MTUS2: variants seen among roughly 807,000 people sequenced by gnomAD.
The protein encoded by MTUS2 is microtubule associated scaffold protein 2, also known as microtubule-associated tumor suppressor candidate 2.
A neutral mutation model predicts 114.1 loss-of-function variants in MTUS2; 40 were observed. The ratio of observed to expected loss-of-function variants is 0.35; its 90% CI spans 0.27 to 0.46. MTUS2 has a LOEUF of 0.46. Among genes scored for constraint, MTUS2 ranks in the 20% least tolerant of loss-of-function variants. MTUS2 has a pLI of 1.00. For synonymous variants in MTUS2, 688 were observed against 672.0 expected (o/e 1.02, Z -0.37); for missense variants, 1,679 against 1,705.4 (o/e 0.98, Z 0.27).
intron 2 of MTUS2, among the ~76,000 whole-genome samples, chr13:28,957,693 G>A (rs74652293): frequency 1.3e-5 from 2 of 151,418 alleles, no homozygotes; most frequent in Non-Finnish European, 3.0e-5. Flanking sequence ...GGAGGGGGGG[G>A]TCCTGGGACC....
intron 2 of MTUS2, among the ~76,000 whole-genome samples, chr13:29,016,775 A>T (rs887918035): frequency 2.6e-5 from 4 of 152,226 alleles, no homozygotes; most frequent in African/African-American, 9.6e-5. Flanking sequence ...TGTACATAAG[A>T]TAAAGAGAAC....
chr13:29,067,647 G>T (rs1482688698), intron 4 of MTUS2, among the ~76,000 whole-genome samples: 4 of 152,190 alleles, frequency 2.6e-5, no homozygotes, highest in African/African-American at 7.2e-5. Flanking sequence ...AGAGCCACGG[G>T]TGCTGACTGG....
rs1883095968 is a variant in MTUS2 at position 29,504,341 on chromosome 13, A to T, written c.*1135A>T. 1 of 231,924 alleles carries T rather than the reference A, an allele frequency of 4.3e-6. No homozygotes were observed. The highest frequency in any genetic ancestry group is 8.5e-6 in the Non-Finnish European group (1 of 117,144). The allele number at this position is 231,924 out of a possible 1,614,324, so 14.4% of individuals were successfully genotyped here. A position where few individuals can be genotyped will look rare whatever the true frequency, so the allele number is the denominator to read the frequency against. ...CCCCTTCAGTTTGGTTCTACAACTC[A>T]ACCCCTTCACTGCACATTGAGATGG... is the stretch of plus-strand genomic sequence containing the variant. On this transcript the variant is annotated 3_prime_UTR_variant, in exon 16 of 16. Coordinates refer to ENST00000612955, the MANE Select transcript of MTUS2 (RefSeq NM_001033602.4).
At chr13:29,436,429 G>A (rs1396390916) in intron 8 of MTUS2, among the ~76,000 whole-genome samples, 4 of 152,148 alleles carry the variant, frequency 2.6e-5, no homozygotes, top group East Asian at 1.9e-4. Context: ...TGACATAAAG[G>A]GCTTACCTAA....
intron 5 of MTUS2, among the ~76,000 whole-genome samples, chr13:29,112,173 T>A (rs1055630805): frequency 2.0e-5 from 3 of 152,172 alleles, no homozygotes; most frequent in East Asian, 3.9e-4. Context: ...CTGACATCAT[T>A]GAGGGAGTGC....
At chr13:28,953,185 C>T (rs1156847126) in intron 2 of MTUS2, among the ~76,000 whole-genome samples, 3 of 148,110 alleles carry the variant, frequency 2.0e-5, no homozygotes, top group Non-Finnish European at 4.5e-5. Context: ...TTTTTTTGCA[C>T]ATTTTTCTAC....
rs17561769 is a variant in MTUS2 at position 28,838,925 on chromosome 13, A to C, written c.-315-853A>C. Among the ~76,000 whole-genome samples the C allele has an allele frequency of 8.7e-3, 1,328 of 152,330 alleles. 4 individuals are homozygous for C. Among genetic ancestry groups the C allele is most frequent in the Non-Finnish European group, 0.013 (914 of 68,026 alleles). ...ACTCATACCCAAACCATTGTTGCTCAGAAAAATGATGTATGTTGAGCAATA... is the reference window on the plus strand; with the variant it reads ...ACTCATACCCAAACCATTGTTGCTCCGAAAAATGATGTATGTTGAGCAATA... On this transcript the variant is annotated intron_variant, in intron 1 of 15. Coordinates refer to ENST00000612955, the MANE Select transcript of MTUS2 (RefSeq NM_001033602.4).
At chr13:29,399,494 AT>A (rs1279035234) in intron 8 of MTUS2, among the ~76,000 whole-genome samples, 1 of 152,260 alleles carries the variant, frequency 6.6e-6, no homozygotes, top group Non-Finnish European at 1.5e-5. Flanking sequence ...TTCAAAGATT[AT>A]CAAAAATTAT....
intron 8 of MTUS2, among the ~76,000 whole-genome samples, chr13:29,403,884 T>C (rs1874546678): frequency 6.6e-6 from 1 of 152,106 alleles, no homozygotes; most frequent in Admixed American, 6.6e-5. Flanking sequence ...CCTTCCTTAC[T>C]CTTCCTCATA....
At position 28,832,681 on chromosome 13, in the gene MTUS2, A is replaced by G. The variant is rs1365021759; in HGVS notation, c.-315-7097A>G. On this transcript the variant is annotated intron_variant, in intron 1 of 15. Coordinates refer to ENST00000612955, the MANE Select transcript of MTUS2 (RefSeq NM_001033602.4). ...TAAAATTGTATATATTTAAAATTAT[A>G]TATTTATATAAATATAAATAAAAAT... Among the ~76,000 whole-genome samples the G allele has an allele frequency of 6.8e-5, 10 of 147,934 alleles. No homozygotes were observed. The East Asian group carries it at 1.9e-3, about 29-fold the overall frequency.
intron 8 of MTUS2, among the ~76,000 whole-genome samples, chr13:29,359,786 T>C (rs966482197): frequency 6.6e-6 from 1 of 152,098 alleles, no homozygotes; most frequent in Non-Finnish European, 1.5e-5. Context: ...TTGCAGGAAA[T>C]GGAGCGTGTG....
chr13:29,161,757 C>T (rs1409544397), intron 5 of MTUS2, among the ~76,000 whole-genome samples: 2 of 152,232 alleles, frequency 1.3e-5, no homozygotes, highest in East Asian at 3.9e-4. Flanking sequence ...GTTCTCAGCC[C>T]CTGCTCCCTG....
chr13:29,320,484 G>A (rs1036730978), intron 6 of MTUS2, among the ~76,000 whole-genome samples: 14 of 152,192 alleles, frequency 9.2e-5, no homozygotes, highest in African/African-American at 3.4e-4. Context: ...AAGATGACCT[G>A]GAGTAGGCCA....
At position 29,025,043 on chromosome 13, in the gene MTUS2, G is replaced by C; in HGVS notation, c.345G>C (p.Glu115Asp). ...QRELNEEHTVERGTDSLQTTR... is the reference protein window; with the variant it reads ...QRELNEEHTVDRGTDSLQTTR... ...AACTCAATGAAGAGCACACAGTGGAGAGAGGCACAGATAGCCTGCAGACCA... is the reference window on the plus strand; with the variant it reads ...AACTCAATGAAGAGCACACAGTGGACAGAGGCACAGATAGCCTGCAGACCA... The change falls in exon 3 of 16, where the codon GAG (glutamate) becomes GAC (aspartate). Residue 115 changes from glutamate to aspartate, a missense_variant. Transcript: ENST00000612955. 1.2e-6 allele frequency: 2 copies of C among 1,613,990 alleles called. No homozygotes were observed. The highest frequency in any genetic ancestry group is 1.7e-6 in the Non-Finnish European group (2 of 1,179,888).
intron 2 of MTUS2, among the ~76,000 whole-genome samples, chr13:28,909,830 G>A (rs1353282668): frequency 6.6e-6 from 1 of 152,198 alleles, no homozygotes; most frequent in Admixed American, 6.5e-5. Context: ...CTTCAGGAAA[G>A]TCTCACGATA....
rs7337241 is a variant in MTUS2, at chr13:29,158,546, A to G, written c.2644+57576A>G. ...TAGCAATTCAAGAGAGCTGTTTTTCATAGAGCAAGGAAGACATGGAAGAAA... is the reference window on the plus strand; with the variant it reads ...TAGCAATTCAAGAGAGCTGTTTTTCGTAGAGCAAGGAAGACATGGAAGAAA... On this transcript the variant is annotated intron_variant, in intron 5 of 15. Transcript: ENST00000612955. Among the ~76,000 whole-genome samples the G allele has an allele frequency of 8.8e-3, 1,333 of 151,854 alleles. 15 individuals are homozygous for G. The highest frequency in any genetic ancestry group is 0.03 in the African/African-American group (1,249 of 41,390).
intron 7 of MTUS2, among the ~76,000 whole-genome samples, chr13:29,330,246 A>G (rs920375708): frequency 6.6e-6 from 1 of 152,176 alleles, no homozygotes; most frequent in South Asian, 2.1e-4. Context: ...TCTTTTGAGA[A>G]GTGTCTGTTG....
chr13:28,991,921 C>G (rs1884876771), intron 2 of MTUS2, among the ~76,000 whole-genome samples: 1 of 152,120 alleles, frequency 6.6e-6, no homozygotes, highest in African/African-American at 2.4e-5. Flanking sequence ...GTCTCTGTAC[C>G]TGGGAACTTG....
chr13:29,001,032 G>A (rs1263771502), intron 2 of MTUS2, among the ~76,000 whole-genome samples: 1 of 152,162 alleles, frequency 6.6e-6, no homozygotes, highest in Non-Finnish European at 1.5e-5. Flanking sequence ...TAGGGAGGGT[G>A]CCAGCCCTTG....
Sources: allele counts gnomAD v4.1 joint callset (sites outside exome capture counted in the v4.1 genomes callset), GRCh38; gene constraint gnomAD v4.1.1; transcripts MANE v1.5; gene names NCBI Gene and HGNC (gene_info 2026-07-23, HGNC 2026-07-21).